Variants in ESYT2 observed in about 807,000 individuals in gnomAD.
The protein encoded by ESYT2 is extended synaptotagmin 2.
Under a neutral mutation model 107.2 loss-of-function variants are expected in ESYT2, and 54 were observed. The observed-to-expected ratio is 0.50, with a 90% confidence interval of 0.40 to 0.63. ESYT2 has a LOEUF of 0.63. Ranked by LOEUF, ESYT2 falls within the 30% of genes least tolerant of loss-of-function variation. The pLI, the probability that ESYT2 is intolerant of heterozygous loss-of-function variation, is 0.00. For missense variants in ESYT2, 1,020 were observed against 1,094.5 expected, an observed-to-expected ratio of 0.93 and a Z score of 0.96; for synonymous variants, 491 against 434.1, an observed-to-expected ratio of 1.13 and a Z score of -1.63.
intron 1 of ESYT2, among the ~76,000 whole-genome samples, chr7:158,807,254 G>GAAAAAA (rs372309924): frequency 1.9e-4 from 22 of 117,088 alleles, no homozygotes; most frequent in East Asian, 2.4e-4. Context: ...CCGTCTGAAG[G>GAAAAAA]AAAAAAAAAA....
chr7:158,815,997 A>C (rs191081209), intron 1 of ESYT2, among the ~76,000 whole-genome samples: 1 of 152,330 alleles, frequency 6.6e-6, no homozygotes, highest in Admixed American at 6.5e-5. Context: ...AAAGATGGTC[A>C]CGTCCTAATC....
At chr7:158,828,724 C>G (rs1840530006) in intron 1 of ESYT2, among the ~76,000 whole-genome samples, 1 of 152,114 alleles carries the variant, frequency 6.6e-6, no homozygotes, top group African/African-American at 2.4e-5. Flanking sequence ...CGGCCCCAGG[C>G]GGACAGGTTC....
chr7:158,750,846 C>G (rs1416836078), intron 14 of ESYT2, among the ~76,000 whole-genome samples: 2 of 152,176 alleles, frequency 1.3e-5, no homozygotes, highest in Admixed American at 1.3e-4. Context: ...TAAGTTCTGG[C>G]CCCACAGGAG....
chr7:158,740,258 C>T (rs1390166378), intron 18 of ESYT2, among the ~76,000 whole-genome samples: 1 of 152,236 alleles, frequency 6.6e-6, no homozygotes, highest in Non-Finnish European at 1.5e-5. Context: ...TCCGCACAAG[C>T]TCCTGCCCTA....
rs139531934 is a variant in ESYT2, at chr7:158,735,562, C to T, written c.2446G>A (p.Asp816Asn). ...CCGCCACTGTTCTTCACGGCAACGT[C>T]GAGCGTTCTCCTCTGCACTTCTGGT... is the stretch of plus-strand genomic sequence containing the variant. ...SLPEVQRRTL[D>N]VAVKNSGGFL... Residue 816 changes from aspartate to asparagine, a missense_variant, in exon 21 of 23, where the codon GAC becomes AAC. By Grantham distance (23) the Asp-to-Asn change is conservative (BLOSUM62 1). Transcript: ENST00000275418. The T allele has an allele frequency of 6.7e-4, 1,079 of 1,614,134 alleles. 8 individuals are homozygous for T. The highest frequency in any genetic ancestry group is 3.8e-3 in the South Asian group (348 of 91,078).
At chr7:158,738,829 C>G (rs2129471220) in intron 19 of ESYT2, among the ~76,000 whole-genome samples, 194 bp downstream of exon 19, 1 of 152,334 alleles carries the variant, frequency 6.6e-6, no homozygotes, top group Middle Eastern at 3.4e-3. Context: ...ACTTCGGTGA[C>G]CAAAACGTTG....
intron 7 of ESYT2, among the ~76,000 whole-genome samples, chr7:158,772,358 T>A (rs1280267472): frequency 6.6e-6 from 1 of 151,978 alleles, no homozygotes. Flanking sequence ...TCCCTAATAA[T>A]GAAACAAAAC....
intron 18 of ESYT2, 53 bp downstream of exon 18, chr7:158,741,470 G>C: frequency 1.4e-6 from 2 of 1,389,148 alleles, no homozygotes; most frequent in South Asian, 2.8e-5. Context: ...CCCAGCGTGG[G>C]GTGGGGGGCG....
At chr7:158,765,990 G>C (rs1251765157) in intron 8 of ESYT2, among the ~76,000 whole-genome samples, 1 of 151,902 alleles carries the variant, frequency 6.6e-6, no homozygotes, top group East Asian at 1.9e-4. Flanking sequence ...ATGAGGTCAG[G>C]AGATCGAGAC....
chr7:158,790,420 A>C (rs538365998), intron 4 of ESYT2, among the ~76,000 whole-genome samples: 1 of 151,982 alleles, frequency 6.6e-6, no homozygotes, highest in Non-Finnish European at 1.5e-5. Context: ...GTGGAGCAGG[A>C]AGCCCTGAGC....
At chr7:158,807,201 A>T (rs181276239) in intron 1 of ESYT2, among the ~76,000 whole-genome samples, 9 of 149,260 alleles carry the variant, frequency 6.0e-5, no homozygotes, top group African/African-American at 2.0e-4. Flanking sequence ...TAGCGAGCCG[A>T]TATCGCACCA....
At chr7:158,801,140 GAC>G (rs1302049942) in intron 1 of ESYT2, among the ~76,000 whole-genome samples, 1 of 152,218 alleles carries the variant, frequency 6.6e-6, no homozygotes, top group Non-Finnish European at 1.5e-5. Context: ...GGCAGTGATG[GAC>G]AGGAGCACGG....
intron 1 of ESYT2, among the ~76,000 whole-genome samples, chr7:158,821,751 AC>A (rs1037151633): frequency 2.2e-4 from 33 of 152,370 alleles, no homozygotes; most frequent in African/African-American, 7.7e-4. Flanking sequence ...TGGAGGAGTT[AC>A]AACCCTATCA....
intron 6 of ESYT2, among the ~76,000 whole-genome samples, chr7:158,782,268 TGA>T (rs1838890046): frequency 1.5e-5 from 2 of 136,802 alleles, no homozygotes; most frequent in Admixed American, 1.5e-4. Context: ...AGTATGAGTG[TGA>T]GAACAAAATG....
chr7:158,823,895 G>A (rs909324067), intron 1 of ESYT2, among the ~76,000 whole-genome samples: 1 of 152,050 alleles, frequency 6.6e-6, no homozygotes, highest in African/African-American at 2.4e-5. Context: ...TATGTTTTAA[G>A]TGTATATATC....
At chr7:158,826,798 C>CA (rs1840461772) in intron 1 of ESYT2, among the ~76,000 whole-genome samples, 1 of 111,290 alleles carries the variant, frequency 9.0e-6, no homozygotes, top group South Asian at 2.8e-4. Flanking sequence ...TTCAGCCTGG[C>CA]AACAGAGCGA....
At chr7:158,768,678 G>A (rs1328043126) in intron 7 of ESYT2, among the ~76,000 whole-genome samples, 3 of 152,022 alleles carry the variant, frequency 2.0e-5, no homozygotes, top group Non-Finnish European at 2.9e-5. Flanking sequence ...TTGGCCTCCC[G>A]AAGTGCTGGG....
intron 6 of ESYT2, among the ~76,000 whole-genome samples, chr7:158,781,298 T>TGA (rs1554586401): frequency 4.6e-5 from 7 of 151,412 alleles, no homozygotes; most frequent in African/African-American, 1.2e-4. Context: ...CAGTGTGCGG[T>TGA]GTGTGAGAAC....
chr7:158,828,392 G>T (rs116794245), intron 1 of ESYT2, among the ~76,000 whole-genome samples: 1,771 of 152,372 alleles, frequency 0.012, 35 homozygotes, highest in African/African-American at 0.04. Flanking sequence ...AGAACCGGCC[G>T]CTCAGGCCCC....
Sources: allele counts gnomAD v4.1 joint callset (sites outside exome capture counted in the v4.1 genomes callset), GRCh38; gene constraint gnomAD v4.1.1; transcripts MANE v1.5; gene names NCBI Gene and HGNC (gene_info 2026-07-23, HGNC 2026-07-21).